LRRIQ1: variants seen among roughly 807,000 people sequenced by gnomAD.
The protein encoded by LRRIQ1 is leucine rich repeats and IQ motif containing 1.
Under a neutral mutation model 211.9 loss-of-function variants are expected in LRRIQ1, and 210 were observed. The observed-to-expected ratio is 0.99, with a 90% CI of 0.89 to 1.11. The LOEUF (loss-of-function observed/expected upper bound fraction) is 1.11, where lower values mean the gene tolerates loss of function less well. LRRIQ1 is among the 50% of genes most tolerant of loss of function. The pLI, the probability that LRRIQ1 is intolerant of heterozygous loss-of-function variation, is 0.00. For missense variants in LRRIQ1, 2,136 were observed against 1,939.5 expected (o/e 1.10, Z -1.90); for synonymous variants, 699 against 650.1 (o/e 1.08, Z -1.14).
intron 24 of LRRIQ1, among the ~76,000 whole-genome samples, chr12:85,162,307 G>A (rs1454063882): frequency 6.6e-6 from 1 of 151,946 alleles, no homozygotes; most frequent in African/African-American, 2.4e-5. Flanking sequence ...TAAGGCTTGG[G>A]TTTTAATCAT....
chr12:85,073,013 T>G lies in LRRIQ1; in HGVS notation c.2802T>G (p.Thr934=). 1 of 1,612,408 alleles carries G rather than the reference T, an allele frequency of 6.2e-7. No homozygotes were observed. The highest frequency in any genetic ancestry group is 1.1e-5 in the South Asian group (1 of 91,016). ...CCCTGGCACAAGTCTGGATTCCAAC[T>G]GGATTATGTTGGTCCTGGATACCTA... The part of the protein sequence containing the change: ...YLSLAQVWIP[T]GLCWSWIPIT... Residue 934 remains threonine, a synonymous_variant, in exon 11 of 27, where the codon ACT becomes ACG. Transcript: ENST00000393217.
At chr12:85,176,762 TA>T (rs575137030) in intron 24 of LRRIQ1, among the ~76,000 whole-genome samples, 4 of 151,628 alleles carry the variant, frequency 2.6e-5, no homozygotes, top group East Asian at 3.9e-4. Flanking sequence ...AAAAAAATTT[TA>T]AAAAAAATAA....
intron 24 of LRRIQ1, among the ~76,000 whole-genome samples, chr12:85,203,935 A>G (rs1270116557): frequency 6.6e-6 from 1 of 152,092 alleles, no homozygotes; most frequent in African/African-American, 2.4e-5. Flanking sequence ...CCCCCAAGAC[A>G]ATGGGGAAAA....
intron 1 of LRRIQ1, among the ~76,000 whole-genome samples, chr12:85,251,765 C>A (rs1256533425): frequency 1.5e-5 from 2 of 137,162 alleles, no homozygotes; most frequent in Non-Finnish European, 3.0e-5. Context: ...TTTGGACTCA[C>A]GAGAAGTGGC....
At chr12:85,145,868 C>T (rs1392615636) in intron 19 of LRRIQ1, among the ~76,000 whole-genome samples, 1 of 151,660 alleles carries the variant, frequency 6.6e-6, no homozygotes, top group Non-Finnish European at 1.5e-5. Flanking sequence ...CAAAATCTGT[C>T]GTAAGTCATG....
rs759501978 is a variant in LRRIQ1 at position 85,052,235 on chromosome 12, A to T, written c.737A>T (p.Lys246Ile). The T allele has an allele frequency of 6.5e-7, 1 of 1,541,774 alleles. No homozygotes were observed. The part of the protein sequence containing the change: ...LYKEEKIWKE[K>I]FKQHEEYIRN... ...AAAGAAGAGAAAATTTGGAAAGAGA[A>T]ATTTAAACAGCATGAGGTATCTATT... is the stretch of plus-strand genomic sequence containing the variant. Residue 246 changes from lysine to isoleucine, a missense_variant, in exon 7 of 27, where the codon AAA (lysine) becomes ATA (isoleucine). Coordinates refer to ENST00000393217, the MANE Select transcript of LRRIQ1 (RefSeq NM_001079910.2).
chr12:85,187,820 A>G (rs1892299312), intron 24 of LRRIQ1, among the ~76,000 whole-genome samples: 1 of 151,826 alleles, frequency 6.6e-6, no homozygotes, highest in East Asian at 1.9e-4. Context: ...AAAAAAAAAA[A>G]AAAAAAGAAA....
chr12:85,199,335 G>A (rs994961101), intron 24 of LRRIQ1, among the ~76,000 whole-genome samples: 5 of 152,118 alleles, frequency 3.3e-5, no homozygotes, highest in Non-Finnish European at 5.9e-5. Context: ...CATATAGGCA[G>A]CCCGTTATTC....
intron 24 of LRRIQ1, among the ~76,000 whole-genome samples, chr12:85,222,554 A>C (rs951315065): frequency 6.6e-6 from 1 of 152,200 alleles, no homozygotes; most frequent in Non-Finnish European, 1.5e-5. Context: ...TGATGTGCAC[A>C]GTTCCAGTGA....
At chr12:85,111,798 A>T (rs914153439) in intron 15 of LRRIQ1, among the ~76,000 whole-genome samples, 10 of 152,038 alleles carry the variant, frequency 6.6e-5, no homozygotes, top group Non-Finnish European at 2.9e-5. Context: ...CAAGTGACCA[A>T]ATTTATTAGA....
At chr12:85,226,911 C>T (rs1894687642) in intron 24 of LRRIQ1, among the ~76,000 whole-genome samples, 1 of 151,996 alleles carries the variant, frequency 6.6e-6, no homozygotes, top group South Asian at 2.1e-4. Flanking sequence ...GCCACATTTT[C>T]TTAATCCAGT....
At chr12:85,046,217 A>G in intron 5 of LRRIQ1, 80 bp downstream of exon 5, 1 of 768,544 alleles carries the variant, frequency 1.3e-6, no homozygotes, top group Non-Finnish European at 2.2e-6. Flanking sequence ...TGGACAGTTG[A>G]TGTTTGTTCT....
At chr12:85,075,614 C>T (rs1379099748) in intron 11 of LRRIQ1, among the ~76,000 whole-genome samples, 1 of 152,002 alleles carries the variant, frequency 6.6e-6, no homozygotes, top group African/African-American at 2.4e-5. Flanking sequence ...GATGGATCCC[C>T]CCTACCCCAA....
At chr12:85,193,872 A>G (rs1389197747) in intron 24 of LRRIQ1, among the ~76,000 whole-genome samples, 7 of 150,020 alleles carry the variant, frequency 4.7e-5, no homozygotes, top group East Asian at 2.0e-4. Context: ...AAAGACACAG[A>G]CTGGCAAATT....
chr12:85,165,340 C>G (rs1028979007), intron 24 of LRRIQ1, among the ~76,000 whole-genome samples: 5 of 151,906 alleles, frequency 3.3e-5, no homozygotes, highest in Non-Finnish European at 5.9e-5. Flanking sequence ...TCTGTCTTTG[C>G]GTCCATGTGT....
chr12:85,205,059 T>G (rs576356933), intron 24 of LRRIQ1, among the ~76,000 whole-genome samples: 3 of 152,060 alleles, frequency 2.0e-5, no homozygotes, highest in Non-Finnish European at 4.4e-5. Context: ...AGTGTTCTCT[T>G]GGTAGTGGAT....
intron 24 of LRRIQ1, among the ~76,000 whole-genome samples, chr12:85,170,580 T>A: frequency 6.6e-6 from 1 of 151,496 alleles, no homozygotes; most frequent in African/African-American, 2.4e-5. Context: ...GATATGTATA[T>A]GGTTAAATTT....
Position 85,098,361 on chromosome 12 carries a change from T to G in LRRIQ1, c.2894T>G (p.Leu965Ter). 1.2e-6 allele frequency: 2 copies of G among 1,602,200 alleles called. No homozygotes were observed. The highest frequency in any genetic ancestry group is 1.1e-5 in the South Asian group (1 of 90,282). Reference sequence around the variant, plus strand: ...TATAACTTTTTTCTTCTAGGTGGTTTAGAATCTTTGAAAAATCTTCAACAA... The same window carrying G: ...TATAACTTTTTTCTTCTAGGTGGTTGAGAATCTTTGAAAAATCTTCAACAA... ...LISHLYWNCGLESLKNLQQLI... is the reference protein window; with the variant it reads ...LISHLYWNCG The change falls in exon 12 of 27, where the codon TTA (leucine) becomes TGA (stop). Residue 965 changes from leucine (L) to a stop codon, truncating the protein, a stop_gained. Transcript: ENST00000393217. LOFTEE classifies it high-confidence loss of function.
intron 15 of LRRIQ1, among the ~76,000 whole-genome samples, chr12:85,116,427 A>T (rs1319509282): frequency 1.3e-5 from 2 of 152,278 alleles, no homozygotes; most frequent in East Asian, 3.9e-4. Flanking sequence ...TACAGGCGTG[A>T]GCCACCGGGC....
Sources: gnomAD v4.1 joint callset for allele counts (sites outside exome capture counted in the v4.1 genomes callset) on GRCh38, gnomAD v4.1.1 for gene constraint, MANE v1.5 for transcripts, NCBI Gene and HGNC (gene_info 2026-07-23, HGNC 2026-07-21) for gene names.